The following NXF2B variants were observed in gnomAD, a reference collection of about 807,000 sequenced individuals.
The protein encoded by NXF2B is nuclear RNA export factor 2.
intron 2 of NXF2B, among the ~76,000 whole-genome samples, chrX:102,433,381 C>CA (rs1934465873): frequency 9.2e-6 from 1 of 108,348 alleles, no homozygotes; most frequent in Non-Finnish European, 1.9e-5. Flanking sequence ...CTACCAAAAC[C>CA]AAAAATGGGT....
At chrX:102,397,920 G>T (rs1382682310) in intron 2 of NXF2B, among the ~76,000 whole-genome samples, 1 of 114,699 alleles carries the variant, frequency 8.7e-6, no homozygotes, top group African/African-American at 3.2e-5. Context: ...AAAAGCTTCT[G>T]CACGGCAAAG....
At chrX:102,388,575 G>T in intron 2 of NXF2B, among the ~76,000 whole-genome samples, 1 of 2,325 alleles carries the variant, frequency 4.3e-4, no homozygotes, top group Non-Finnish European at 1.2e-3. Context: ...AACAATGACT[G>T]TTAGGCAACT....
chrX:102,438,464 C>T (rs1489333972), intron 2 of NXF2B, 89 bp downstream of exon 2: 1 of 57,974 alleles, frequency 1.7e-5, no homozygotes, highest in African/African-American at 5.5e-5. Context: ...GAGAATAAAA[C>T]AGGTGTGCTT....
intron 2 of NXF2B, chrX:102,426,795 G>C (rs1207794252): frequency 2.7e-5 from 3 of 111,912 alleles, no homozygotes; most frequent in South Asian, 7.0e-4. Flanking sequence ...ATCTGCTCAT[G>C]ATGAGTGAAA....
chrX:102,386,181 G>A (rs1332409318), intron 2 of NXF2B, among the ~76,000 whole-genome samples: 8 of 115,018 alleles, frequency 7.0e-5, no homozygotes, highest in Non-Finnish European at 1.1e-4. Flanking sequence ...TCCTGACCTC[G>A]TGATCAGCCC....
chrX:102,426,945 C>T (rs1934434428), intron 2 of NXF2B: 1 of 65,385 alleles, frequency 1.5e-5, no homozygotes, highest in African/African-American at 5.7e-5. Context: ...TCAGTGCATC[C>T]CAGATCCAGA....
At chrX:102,435,535 C>T (rs5987517) in intron 2 of NXF2B, among the ~76,000 whole-genome samples, 156 of 16,067 alleles carry the variant, frequency 9.7e-3, no homozygotes, top group Middle Eastern at 0.034. Context: ...CACCATTTCT[C>T]GCCTAACCCG....
intron 2 of NXF2B, chrX:102,426,823 C>T (rs2147825902): frequency 9.1e-6 from 1 of 110,462 alleles, no homozygotes; most frequent in Non-Finnish European, 1.9e-5. Context: ...AGAAGTTTCT[C>T]CCCTTACAGG....
In NXF2B at chrX:102,412,644, A is replaced by AAGAAGAAGAAAGAAGT. The variant is rs1342457195; in HGVS notation, c.-54+25908_-54+25909insACTTCTTTCTTCTTCT. ...GAAGAAGAAGAAGAAGAAGAAGAAG[A>AAGAAGAAGAAAGAAGT]AGTAGTCATCATCGTCGTTGTTGTC... is the stretch of plus-strand genomic sequence containing the variant. On this transcript the variant is annotated intron_variant, in intron 2 of 22. Coordinates refer to the NXF2B transcript ENST00000602195. Among the ~76,000 whole-genome samples, 2 of 30,096 alleles carry AAGAAGAAGAAAGAAGT rather than the reference A, an allele frequency of 6.6e-5. 1 individual carries two copies. The highest frequency in any genetic ancestry group is 1.3e-4 in the Non-Finnish European group (2 of 14,921). The allele number at this position is 30,096 out of a possible 115,157, so 26.1% of individuals were successfully genotyped here. A position where few individuals can be genotyped will look rare whatever the true frequency, so the allele number is the denominator to read the frequency against.
intron 2 of NXF2B, among the ~76,000 whole-genome samples, chrX:102,386,101 C>T (rs1934265919): frequency 8.7e-6 from 1 of 115,026 alleles, no homozygotes; most frequent in Non-Finnish European, 1.9e-5. Context: ...GCGCGTGCCA[C>T]CAAGCCCTAA....
At chrX:102,377,148 TTGTG>T (rs781891878) in intron 1 of NXF2B, among the ~76,000 whole-genome samples, 5,892 of 53,816 alleles carry the variant, frequency 0.11, 240 homozygotes, top group African/African-American at 0.17. Context: ...GAGAGTGTAT[TTGTG>T]TGTGTGTGTG....
intron 2 of NXF2B, among the ~76,000 whole-genome samples, chrX:102,397,797 C>T (rs1231252370): frequency 1.8e-5 from 2 of 108,734 alleles, no homozygotes. Context: ...TGACAAAGGG[C>T]TAATATCCAG....
intron 2 of NXF2B, among the ~76,000 whole-genome samples, chrX:102,432,339 G>A (rs1276308430): frequency 9.0e-6 from 1 of 111,094 alleles, no homozygotes; most frequent in Non-Finnish European, 1.9e-5. Flanking sequence ...ACATATATAT[G>A]AATAAGGGGT....
At chrX:102,435,653 G>A (rs1468633534) in intron 2 of NXF2B, among the ~76,000 whole-genome samples, 3 of 41,938 alleles carry the variant, frequency 7.2e-5, no homozygotes, top group African/African-American at 2.3e-4. Context: ...CAATCCTTCT[G>A]GAGAGAAACT....
intron 2 of NXF2B, among the ~76,000 whole-genome samples, chrX:102,404,921 C>A (rs1286490650): frequency 3.8e-4 from 12 of 31,299 alleles, no homozygotes; most frequent in Non-Finnish European, 6.5e-4. Context: ...TTCCCACAAA[C>A]CTCACCATGG....
chrX:102,404,841 C>G (rs1178415716), intron 2 of NXF2B, among the ~76,000 whole-genome samples: 36 of 9,052 alleles, frequency 4.0e-3, no homozygotes, highest in Admixed American at 0.011. Flanking sequence ...TCATGCCCCC[C>G]CAACAGAGGG....
At position 102,412,644 on chromosome X, in the gene NXF2B, A is replaced by AAGT. The variant is rs782586364; in HGVS notation, c.-54+25906_-54+25908dup. Among the ~76,000 whole-genome samples, 68 of 30,077 alleles carry AAGT rather than the reference A, an allele frequency of 2.3e-3. 7 individuals are homozygous for AAGT. Among genetic ancestry groups the AAGT allele is most frequent in the African/African-American group, 0.011 (66 of 5,919 alleles). 26.1% of individuals were successfully genotyped at this position (30,077 alleles called of 115,157 possible). A position where few individuals can be genotyped will look rare whatever the true frequency, so the allele number is the denominator to read the frequency against. Reference sequence around the variant, plus strand: ...GAAGAAGAAGAAGAAGAAGAAGAAGAAGTAGTCATCATCGTCGTTGTTGTC... The same window carrying AAGT: ...GAAGAAGAAGAAGAAGAAGAAGAAGAAGTAGTAGTCATCATCGTCGTTGTTGTC... On this transcript the variant is annotated intron_variant, in intron 2 of 22. Coordinates refer to the NXF2B transcript ENST00000602195.
intron 1 of NXF2B, among the ~76,000 whole-genome samples, chrX:102,377,183 T>TGTGA (rs1556390744): frequency 1.9e-4 from 5 of 25,793 alleles, no homozygotes; most frequent in African/African-American, 4.7e-4. Flanking sequence ...TGTGTGTGTG[T>TGTGA]GAGAGAGAGA....
At chrX:102,385,702 AACACATTACATATCTTGTCTATGTG>A (rs1934258836) in intron 2 of NXF2B, among the ~76,000 whole-genome samples, 1 of 15,427 alleles carries the variant, frequency 6.5e-5, no homozygotes, top group African/African-American at 2.9e-4. Flanking sequence ...CATGAGCAAT[AACACATTACATATCTTGTCTATGTG>A]ATACTACAAC....
Sources: allele counts gnomAD v4.1 joint callset (sites outside exome capture counted in the v4.1 genomes callset), GRCh38; gene constraint gnomAD v4.1.1; transcripts MANE v1.5; gene names NCBI Gene and HGNC (gene_info 2026-07-23, HGNC 2026-07-21).